The following LHFPL2 variants were observed in gnomAD, a reference collection of about 807,000 sequenced individuals.
LHFPL2 encodes the protein LHFPL tetraspan subfamily member 2, also known as LHFPL tetraspan subfamily member 2 protein.
Under a neutral mutation model 17.5 loss-of-function variants are expected in LHFPL2, and 7 were observed. The ratio of observed to expected loss-of-function variants is 0.40; its 90% CI spans 0.23 to 0.75. LHFPL2 has a LOEUF of 0.75. Ranked by LOEUF, LHFPL2 falls within the 30% of genes least tolerant of loss-of-function variation. The pLI is 0.37. For missense variants in LHFPL2, 241 were observed against 294.8 expected (o/e 0.82, Z 1.34); for synonymous variants, 134 against 116.2 (o/e 1.15, Z -0.99).
chr5:78,586,645 A>G (rs1743414791), intron 2 of LHFPL2, among the ~76,000 whole-genome samples: 1 of 152,196 alleles, frequency 6.6e-6, no homozygotes, highest in African/African-American at 2.4e-5. Flanking sequence ...AGGCTGACAC[A>G]CAATCCTGCT....
intron 3 of LHFPL2, among the ~76,000 whole-genome samples, chr5:78,530,939 C>A (rs1013915485): frequency 2.0e-5 from 3 of 152,210 alleles, no homozygotes; most frequent in African/African-American, 7.2e-5. Context: ...GGTAACATTT[C>A]TTTGGCAGAG....
intron 4 of LHFPL2, among the ~76,000 whole-genome samples, chr5:78,493,850 C>T (rs1041347211): frequency 2.6e-5 from 4 of 152,134 alleles, no homozygotes; most frequent in Non-Finnish European, 5.9e-5. Flanking sequence ...GAGACAAAGG[C>T]AAGAGAATAC....
chr5:78,530,572 AG>A (rs1172497443), intron 3 of LHFPL2, among the ~76,000 whole-genome samples: 5 of 152,196 alleles, frequency 3.3e-5, no homozygotes, highest in Non-Finnish European at 7.3e-5. Flanking sequence ...GCAACTGATA[AG>A]GCCTTGTGAG....
At chr5:78,583,217 G>A (rs541835448) in intron 2 of LHFPL2, among the ~76,000 whole-genome samples, 1 of 151,464 alleles carries the variant, frequency 6.6e-6, no homozygotes, top group East Asian at 1.9e-4. Flanking sequence ...GCACACTGAT[G>A]GGTCTTGACT....
At chr5:78,644,024 T>C (rs1296900204) in intron 1 of LHFPL2, among the ~76,000 whole-genome samples, 6 of 152,196 alleles carry the variant, frequency 3.9e-5, no homozygotes, top group Admixed American at 3.9e-4. Flanking sequence ...ATCATGCCAT[T>C]GTACTCCAGC....
intron 2 of LHFPL2, among the ~76,000 whole-genome samples, chr5:78,574,653 A>C (rs965913681): frequency 6.6e-6 from 1 of 152,264 alleles, no homozygotes; most frequent in Non-Finnish European, 1.5e-5. Flanking sequence ...CAAATTCAAC[A>C]ATCAGTGGTA....
chr5:78,494,147 G>GT (rs2112292524), intron 4 of LHFPL2, among the ~76,000 whole-genome samples: 1 of 152,308 alleles, frequency 6.6e-6, no homozygotes, highest in Non-Finnish European at 1.5e-5. Context: ...TTGGGGGTGT[G>GT]TTTGTGTGTT....
At chr5:78,501,141 C>A (rs1754760007) in intron 4 of LHFPL2, among the ~76,000 whole-genome samples, 1 of 152,060 alleles carries the variant, frequency 6.6e-6, no homozygotes, top group South Asian at 2.1e-4. Context: ...CTTTACAGTC[C>A]AGAAAGATTG....
Position 78,648,424 on chromosome 5 carries a change from G to C in LHFPL2, c.-350+75C>G, listed in dbSNP as rs1235696813. ...CCGCAACGGCTCCCCATGCGCCCGC[G>C]CGGGGCGCCCACCTGGCCGGGCCCA... is the stretch of plus-strand genomic sequence containing the variant. On this transcript the variant is annotated intron_variant, in intron 1 of 4. Coordinates refer to ENST00000380345, the MANE Select transcript of LHFPL2 (RefSeq NM_005779.3). The surrounding 1 kb of genome is among the most constrained non-coding windows in gnomAD (Gnocchi z 5.4). 5 of 151,772 alleles carry C rather than the reference G, an allele frequency of 3.3e-5. No individual in the cohort carries two copies. The South Asian group carries it at 1.0e-3, about 31-fold the overall frequency. The allele number at this position is 151,772 out of a possible 1,614,324, so 9.4% of individuals were successfully genotyped here. A position where few individuals can be genotyped will look rare whatever the true frequency, so the allele number is the denominator to read the frequency against.
At position 78,538,636 on chromosome 5, in the gene LHFPL2, T is replaced by TCAA. The variant is rs376980284; in HGVS notation, c.-186+26174_-186+26176dup. On this transcript the variant is annotated intron_variant, in intron 3 of 4. Transcript: ENST00000380345. ...GGAGAGACTACAGTTGTGTCCAAAA[T>TCAA]CAACAACAACAACACCTGCCCATGA... Among the ~76,000 whole-genome samples, 13 of 152,270 alleles carry TCAA rather than the reference T, an allele frequency of 8.5e-5. 1 individual carries two copies. Among genetic ancestry groups the TCAA allele is most frequent in the African/African-American group, 3.1e-4 (13 of 41,554 alleles).
At chr5:78,620,314 G>A (rs960795820) in intron 2 of LHFPL2, among the ~76,000 whole-genome samples, 2 of 152,142 alleles carry the variant, frequency 1.3e-5, no homozygotes, top group Admixed American at 6.5e-5. Context: ...ATTTTGAGAA[G>A]TGTCTGTTCA....
intron 4 of LHFPL2, among the ~76,000 whole-genome samples, chr5:78,495,132 TAC>T (rs1754564966): frequency 6.6e-6 from 1 of 152,210 alleles, no homozygotes; most frequent in African/African-American, 2.4e-5. Context: ...TGTTGCTGCA[TAC>T]AGTGAGTATT....
rs114749228 is a variant in LHFPL2 at position 78,621,926 on chromosome 5, C to A, written c.-245+10338G>T. On this transcript the variant is annotated intron_variant, in intron 2 of 4. Transcript: ENST00000380345. ...AGAATCTAACTGCCCCACAAAGCAG[C>A]TGGCCACCAAGAATGGTCCTCACTA... Among the ~76,000 whole-genome samples the A allele has an allele frequency of 2.8e-3, 434 of 152,338 alleles. 2 individuals carry two copies. The highest frequency in any genetic ancestry group is 9.8e-3 in the African/African-American group (407 of 41,560).
chr5:78,494,428 C>T (rs1754541894), intron 4 of LHFPL2: 1 of 985,270 alleles, frequency 1.0e-6, no homozygotes, highest in African/African-American at 1.7e-5. Context: ...CCTTAAAAGA[C>T]TCCAACATCC....
At chr5:78,584,725 T>G (rs994789110) in intron 2 of LHFPL2, among the ~76,000 whole-genome samples, 4 of 152,180 alleles carry the variant, frequency 2.6e-5, no homozygotes, top group African/African-American at 9.7e-5. Context: ...CAGAGGTTAT[T>G]GCTGTCTTTT....
At chr5:78,565,650 T>TA (rs1756839758) in intron 2 of LHFPL2, among the ~76,000 whole-genome samples, 1 of 152,244 alleles carries the variant, frequency 6.6e-6, no homozygotes, top group African/African-American at 2.4e-5. Flanking sequence ...CTGGGACTGT[T>TA]ATAGGAATAT....
At chr5:78,529,862 T>G (rs1755730014) in intron 3 of LHFPL2, among the ~76,000 whole-genome samples, 1 of 152,254 alleles carries the variant, frequency 6.6e-6, no homozygotes, top group Non-Finnish European at 1.5e-5. Context: ...TTAATATCTT[T>G]GCAAAAATCA....
At chr5:78,568,454 C>T (rs763334003) in intron 2 of LHFPL2, among the ~76,000 whole-genome samples, 1 of 152,128 alleles carries the variant, frequency 6.6e-6, no homozygotes, top group Non-Finnish European at 1.5e-5. Flanking sequence ...TGGGCACCAG[C>T]ACTTATTTAT....
rs1036490735 is a variant in LHFPL2 at position 78,488,418 on chromosome 5, A to C, written c.*479T>G. 1.5e-5 allele frequency: 3 copies of C among 198,050 alleles called. No homozygotes were observed. The highest frequency in any genetic ancestry group is 7.0e-5 in the African/African-American group (3 of 43,104). 12.3% of individuals were successfully genotyped at this position (198,050 alleles called of 1,614,324 possible). On this transcript the variant is annotated 3_prime_UTR_variant, in exon 5 of 5. Coordinates refer to ENST00000380345, the MANE Select transcript of LHFPL2 (RefSeq NM_005779.3). ...GCCCTTTAGCACACATCCTGTCCCC[A>C]GTAAGTTTATAGTTTTCTGTTCGTT...
Sources: gnomAD v4.1 joint callset for allele counts (sites outside exome capture counted in the v4.1 genomes callset) on GRCh38, gnomAD v4.1.1 for gene constraint, Gnocchi (gnomAD v3.1) non-coding constraint, MANE v1.5 for transcripts, NCBI Gene and HGNC (gene_info 2026-07-23, HGNC 2026-07-21) for gene names.